The following ROR2 variants were observed in gnomAD, a reference collection of about 807,000 sequenced individuals.
ROR2 encodes tyrosine-protein kinase transmembrane receptor ROR2.
Under a neutral mutation model 74.9 loss-of-function variants are expected in ROR2, and 33 were observed. The observed-to-expected ratio is 0.44, with a 90% confidence interval of 0.33 to 0.59. The LOEUF is 0.59. ROR2 is among the 20% of genes least tolerant of loss of function. The pLI is 0.02. For missense variants in ROR2, 1,216 were observed against 1,313.8 expected (o/e 0.93, Z 1.15); for synonymous variants, 586 against 558.7 (o/e 1.05, Z -0.69).
intron 1 of ROR2, among the ~76,000 whole-genome samples, chr9:91,812,299 G>A (rs994258878): frequency 6.6e-6 from 1 of 152,024 alleles, no homozygotes; most frequent in African/African-American, 2.4e-5. Context: ...GAAGAAAACG[G>A]GCGGATTTAG....
At chr9:91,942,223 T>C (rs1391918586) in intron 1 of ROR2, among the ~76,000 whole-genome samples, 1 of 152,210 alleles carries the variant, frequency 6.6e-6, no homozygotes, top group Non-Finnish European at 1.5e-5. Context: ...AATCAGACTC[T>C]CTTCCCCAGA....
chr9:91,834,653 A>C (rs570001953), intron 1 of ROR2, among the ~76,000 whole-genome samples: 5 of 152,308 alleles, frequency 3.3e-5, no homozygotes, highest in African/African-American at 1.2e-4. Context: ...CAAAACACTT[A>C]AGATTCCAAC....
At chr9:91,777,610 G>A (rs929222389) in intron 1 of ROR2, among the ~76,000 whole-genome samples, 4 of 151,946 alleles carry the variant, frequency 2.6e-5, no homozygotes, top group African/African-American at 9.7e-5. Flanking sequence ...ACATTCTCAA[G>A]GTTGTGCAAC....
At chr9:91,747,539 T>G (rs1446936408) in intron 4 of ROR2, among the ~76,000 whole-genome samples, 1 of 152,232 alleles carries the variant, frequency 6.6e-6, no homozygotes, top group Non-Finnish European at 1.5e-5. Context: ...ACTCTCCATT[T>G]ATACAGACAG....
At chr9:91,899,538 A>G (rs1437975521) in intron 1 of ROR2, among the ~76,000 whole-genome samples, 1 of 152,130 alleles carries the variant, frequency 6.6e-6, no homozygotes, top group Non-Finnish European at 1.5e-5. Flanking sequence ...CACCTGGGGA[A>G]AAAGGTCTGC....
chr9:91,741,352 C>A (rs1421984748), intron 4 of ROR2, among the ~76,000 whole-genome samples: 2 of 144,752 alleles, frequency 1.4e-5, no homozygotes, highest in African/African-American at 5.2e-5. Flanking sequence ...AAAATAATGA[C>A]AACCCTGGGT....
intron 1 of ROR2, among the ~76,000 whole-genome samples, chr9:91,827,012 T>C (rs942126385): frequency 2.0e-5 from 3 of 152,192 alleles, no homozygotes; most frequent in Admixed American, 6.5e-5. Context: ...AGACCATTAT[T>C]AAAGCATTGA....
At chr9:91,799,720 T>A (rs1827310555) in intron 1 of ROR2, among the ~76,000 whole-genome samples, 1 of 152,210 alleles carries the variant, frequency 6.6e-6, no homozygotes, top group Non-Finnish European at 1.5e-5. Flanking sequence ...GACACACAAG[T>A]CCATAAATGC....
intron 1 of ROR2, among the ~76,000 whole-genome samples, chr9:91,945,898 T>C (rs1832000316): frequency 6.6e-6 from 1 of 152,120 alleles, no homozygotes; most frequent in Admixed American, 6.5e-5. Context: ...ACCAAATAAA[T>C]ACATGCTAGA....
chr9:91,934,329 G>C (rs534734168), intron 1 of ROR2, among the ~76,000 whole-genome samples: 54 of 151,746 alleles, frequency 3.6e-4, no homozygotes, highest in African/African-American at 1.2e-3. Flanking sequence ...CCCAGCACCA[G>C]GAGGGGCCAC....
intron 1 of ROR2, among the ~76,000 whole-genome samples, chr9:91,948,436 G>A (rs1006182052): frequency 6.6e-6 from 1 of 152,152 alleles, no homozygotes; most frequent in Non-Finnish European, 1.5e-5. Flanking sequence ...CTTAGAATGT[G>A]GTCTACTTAT....
chr9:91,785,262 G>A (rs1048817302), intron 1 of ROR2, among the ~76,000 whole-genome samples: 2 of 152,132 alleles, frequency 1.3e-5, no homozygotes, highest in African/African-American at 4.8e-5. Flanking sequence ...CTTGTTTCAG[G>A]GTCCCTGTGC....
chr9:91,784,721 A>G (rs1168543162), intron 1 of ROR2, among the ~76,000 whole-genome samples: 4 of 152,344 alleles, frequency 2.6e-5, no homozygotes, highest in African/African-American at 9.6e-5. Flanking sequence ...CTCATACAAC[A>G]CTACATCCTT....
intron 1 of ROR2, among the ~76,000 whole-genome samples, chr9:91,936,450 C>G (rs1444131293): frequency 1.3e-5 from 2 of 152,188 alleles, no homozygotes; most frequent in African/African-American, 4.8e-5. Flanking sequence ...CAAACTGACC[C>G]TTAAGGACAC....
Position 91,792,851 on chromosome 9 carries a change from T to C in ROR2, c.98-17033A>G, listed in dbSNP as rs146038526. Among the ~76,000 whole-genome samples, 311 of 151,854 alleles carry C rather than the reference T, an allele frequency of 2.0e-3. 1 individual carries two copies. The highest frequency in any genetic ancestry group is 7.1e-3 in the African/African-American group (294 of 41,376). On this transcript the variant is annotated intron_variant, in intron 1 of 8. Transcript: ENST00000375708. Reference sequence around the variant, plus strand: ...AACTGACTCATGAAGACACAGAAAATCTATATAGATCTCTATTAAGTAAAG... The same window carrying C: ...AACTGACTCATGAAGACACAGAAAACCTATATAGATCTCTATTAAGTAAAG...
At chr9:91,907,226 C>T (rs1322255748) in intron 1 of ROR2, among the ~76,000 whole-genome samples, 1 of 152,168 alleles carries the variant, frequency 6.6e-6, no homozygotes, top group Non-Finnish European at 1.5e-5. Context: ...TTCTCAATGG[C>T]TCTGCATATA....
intron 1 of ROR2, among the ~76,000 whole-genome samples, chr9:91,872,021 AACAAC>A (rs1192162658): frequency 6.6e-6 from 1 of 152,230 alleles, no homozygotes; most frequent in African/African-American, 2.4e-5. Flanking sequence ...TGTGTGCTGT[AACAAC>A]ACATTATCCA....
At chr9:91,914,865 AGCT>A (rs1299057935) in intron 1 of ROR2, among the ~76,000 whole-genome samples, 1 of 152,142 alleles carries the variant, frequency 6.6e-6, no homozygotes, top group Non-Finnish European at 1.5e-5. Flanking sequence ...CTGGCCTTCC[AGCT>A]GCTTTCCTAA....
chr9:91,944,304 T>C (rs1156811491), intron 1 of ROR2, among the ~76,000 whole-genome samples: 1 of 152,208 alleles, frequency 6.6e-6, no homozygotes, highest in East Asian at 1.9e-4. Context: ...ACCACTGTCA[T>C]ATAGGTGGTC....
Sources: gnomAD v4.1 joint callset for allele counts (sites outside exome capture counted in the v4.1 genomes callset) on GRCh38, gnomAD v4.1.1 for gene constraint, MANE v1.5 for transcripts, NCBI Gene and HGNC (gene_info 2026-07-23, HGNC 2026-07-21) for gene names.